Variants in SLC36A2 observed in about 807,000 individuals in gnomAD.
SLC36A2 encodes the protein solute carrier family 36 member 2, also known as proton-coupled amino acid transporter 2.
SLC36A2 carries 39 observed loss-of-function variants against 42.7 expected under a neutral mutation model. The observed-to-expected ratio is 0.91, with a 90% CI of 0.71 to 1.19. SLC36A2 has a LOEUF of 1.19. Among genes scored for constraint, SLC36A2 ranks in the 50% most tolerant of loss-of-function variants. The probability of loss-of-function intolerance (pLI) is 0.00; values close to 1 mark genes in which losing one functional copy is unlikely to be tolerated. For missense variants in SLC36A2, 590 were observed against 613.7 expected, an observed-to-expected ratio of 0.96 and a Z score of 0.41; for synonymous variants, 237 against 240.8, an observed-to-expected ratio of 0.98 and a Z score of 0.15.
intron 6 of SLC36A2, among the ~76,000 whole-genome samples, chr5:151,334,979 T>C (rs376772397): frequency 6.6e-6 from 1 of 152,164 alleles, no homozygotes; most frequent in South Asian, 2.1e-4. Context: ...CAATAACTTT[T>C]AGCTGTAGTA....
intron 6 of SLC36A2, among the ~76,000 whole-genome samples, chr5:151,334,281 G>A (rs554615270): frequency 2.6e-5 from 4 of 152,222 alleles, no homozygotes; most frequent in East Asian, 3.9e-4. Flanking sequence ...TAAATTTCAC[G>A]GACAATGTAA....
In SLC36A2 at chr5:151,315,725, CATT is replaced by C. The variant is rs936171820; in HGVS notation, c.*1089_*1091del. 1 of 152,170 alleles carries C rather than the reference CATT, an allele frequency of 6.6e-6. No individual in the cohort carries two copies. The highest frequency in any genetic ancestry group is 1.5e-5 in the Non-Finnish European group (1 of 68,020). The allele number at this position is 152,170 out of a possible 1,614,324, so 9.4% of individuals were successfully genotyped here. A position where few individuals can be genotyped will look rare whatever the true frequency, so the allele number is the denominator to read the frequency against. On this transcript the variant is annotated 3_prime_UTR_variant, in exon 10 of 10. Transcript: ENST00000335244. ...TTTCATAGGAGCAGGTGCAAAGTCA[CATT>C]ATCACGAGGAATTTATGGTCATTTT...
Position 151,342,876 on chromosome 5 carries a change from A to C in SLC36A2, c.440+12T>G, listed in dbSNP as rs746878571. 1 of 1,613,262 alleles carries C rather than the reference A, an allele frequency of 6.2e-7. No individual in the cohort carries two copies. The highest frequency in any genetic ancestry group is 8.5e-7 in the Non-Finnish European group (1 of 1,179,212). On this transcript the variant is annotated intron_variant, in intron 4 of 9. Coordinates refer to ENST00000335244, the MANE Select transcript of SLC36A2 (RefSeq NM_181776.3). ...GTCCTACCCCACTGCAGGCAAAGCA[A>C]GAACAGGTTACCTTCCCCAGTGAGC...
intron 8 of SLC36A2, chr5:151,325,005 C>T (rs1755811354): frequency 1.5e-5 from 7 of 454,478 alleles, no homozygotes; most frequent in South Asian, 1.1e-4. Flanking sequence ...CCCTTCCCTT[C>T]TCTCCTTAGT....
intron 5 of SLC36A2, chr5:151,338,717 C>T (rs10053412): frequency 0.15 from 34,623 of 227,740 alleles, 8,078 homozygotes; most frequent in African/African-American, 0.6. Flanking sequence ...CTAAAGAAGA[C>T]TAGGAATCAT....
chr5:151,344,300 T>G (rs990040734), intron 1 of SLC36A2, 33 bp from the exon 2 acceptor site: 2 of 1,562,436 alleles, frequency 1.3e-6, no homozygotes, highest in African/African-American at 2.7e-5. Flanking sequence ...GAAGTATGGG[T>G]GTGTGGAGGT....
At chr5:151,340,068 A>G (rs1241522446) in intron 4 of SLC36A2, among the ~76,000 whole-genome samples, 1 of 151,866 alleles carries the variant, frequency 6.6e-6, no homozygotes, top group Non-Finnish European at 1.5e-5. Flanking sequence ...GAGAGAGAGA[A>G]AAAGAAGAAA....
At position 151,344,182 on chromosome 5, in the gene SLC36A2, T is replaced by A; in HGVS notation, c.250A>T (p.Ile84Phe). 2 of 1,613,996 alleles carry A rather than the reference T, an allele frequency of 1.2e-6. No homozygotes were observed. Among genetic ancestry groups the A allele is most frequent in the South Asian group, 2.2e-5 (2 of 91,002 alleles). Residue 84 changes from isoleucine (I) to phenylalanine (F), a missense_variant, in exon 2 of 10, where the codon ATC becomes TTC. Transcript: ENST00000335244. ...GLPLAVKNAG[I>F]LMGPLSLLVM... is the part of the protein sequence containing the mutation. ...ACATGTGGCGCCTCTCTTACCAGGATGCCCGCGTTCTTCACAGCGAGGGGT... is the reference window on the plus strand; with the variant it reads ...ACATGTGGCGCCTCTCTTACCAGGAAGCCCGCGTTCTTCACAGCGAGGGGT...
chr5:151,329,729 A>G (rs1410313061), intron 7 of SLC36A2, among the ~76,000 whole-genome samples: 1 of 152,244 alleles, frequency 6.6e-6, no homozygotes, highest in Non-Finnish European at 1.5e-5. Context: ...GAGGATAAAC[A>G]GGAATGACAA....
At chr5:151,339,353 T>C (rs1756253265) in intron 4 of SLC36A2, among the ~76,000 whole-genome samples, 1 of 151,986 alleles carries the variant, frequency 6.6e-6, no homozygotes. Context: ...TTGCTCTTGT[T>C]GCCCAGGCTG....
At position 151,344,166 on chromosome 5, in the gene SLC36A2, G is replaced by A. The variant is rs773526511; in HGVS notation, c.255+11C>T. The A allele has an allele frequency of 2.9e-5, 46 of 1,612,758 alleles. No homozygotes were observed. Among genetic ancestry groups the A allele is most frequent in the South Asian group, 2.2e-4 (20 of 90,858 alleles). The stretch of plus-strand genomic sequence containing the variant: ...TGACCATAAAGCCCCCACATGTGGC[G>A]CCTCTCTTACCAGGATGCCCGCGTT... On this transcript the variant is annotated intron_variant, in intron 2 of 9. Transcript: ENST00000335244.
At chr5:151,345,839 T>C (rs950184280) in intron 1 of SLC36A2, among the ~76,000 whole-genome samples, 2 of 152,232 alleles carry the variant, frequency 1.3e-5, no homozygotes, top group African/African-American at 4.8e-5. Context: ...TTGGTCACCT[T>C]GGACTGTCAT....
chr5:151,344,457 GT>G (rs1039304756), intron 1 of SLC36A2, among the ~76,000 whole-genome samples, 190 bp from the exon 2 acceptor site: 9 of 152,268 alleles, frequency 5.9e-5, no homozygotes, highest in Admixed American at 2.0e-4. Context: ...AACTGTCCTG[GT>G]TTTAGCAGCT....
At chr5:151,331,979 G>A (rs1284624282) in intron 7 of SLC36A2, among the ~76,000 whole-genome samples, 1 of 152,058 alleles carries the variant, frequency 6.6e-6, no homozygotes, top group Non-Finnish European at 1.5e-5. Context: ...TGATTCTCCT[G>A]CCTCAGCCTT....
In SLC36A2 at chr5:151,334,879, ACT is replaced by A. The variant is rs554812090; in HGVS notation, c.744+448_744+449del. Among the ~76,000 whole-genome samples, 18 of 151,748 alleles carry A rather than the reference ACT, an allele frequency of 1.2e-4. 1 individual carries two copies. The highest frequency in any genetic ancestry group is 3.6e-4 in the African/African-American group (15 of 41,308). The stretch of plus-strand genomic sequence containing the variant: ...TTATTGAAAGCTTATGGTTTTTGAG[ACT>A]CTCTATGTATATCTCTGTGACTAAA... On this transcript the variant is annotated intron_variant, in intron 6 of 9. Transcript: ENST00000335244.
In SLC36A2 at chr5:151,344,276, G is replaced by A; in HGVS notation, c.165-9C>T. ...TCAAGGCCTGGAACACTCTAAAGGA[G>A]AGGAAGGAGATGTGAAGTATGGGTG... On this transcript the variant is annotated splice_polypyrimidine_tract_variant and intron_variant, in intron 1 of 9. Transcript: ENST00000335244. 1.9e-6 allele frequency: 3 copies of A among 1,609,448 alleles called. No individual in the cohort carries two copies. The highest frequency in any genetic ancestry group is 1.7e-4 in the Middle Eastern group (1 of 6,052).
intron 1 of SLC36A2, among the ~76,000 whole-genome samples, chr5:151,346,813 A>G (rs1561664665): frequency 1.3e-5 from 2 of 152,186 alleles, no homozygotes; most frequent in South Asian, 2.1e-4. Context: ...AGAGTCATCT[A>G]TGCTTCTCAG....
intron 7 of SLC36A2, 84 bp from the exon 8 acceptor site, chr5:151,325,536 C>T: frequency 7.2e-7 from 1 of 1,391,270 alleles, no homozygotes. Flanking sequence ...ATGTCTACCC[C>T]AAAGAACTGA....
Position 151,325,385 on chromosome 5 carries a change from G to A in SLC36A2, c.911C>T (p.Ser304Phe), listed in dbSNP as rs142783014. The A allele has an allele frequency of 5.9e-3, 9,571 of 1,614,188 alleles. 60 individuals carry two copies. The highest frequency in any genetic ancestry group is 6.8e-3 in the Non-Finnish European group (8,035 of 1,180,040). ...GCCAATGTATAGGGAAGTGACGATG[G>A]ACATTCCCAAAGACAGGATGGCTGG... ...HFPAILSLGM[S>F]IVTSLYIGMA... is the part of the protein sequence containing the mutation. The change falls in exon 8 of 10, where the codon TCC (serine) becomes TTC (phenylalanine). Residue 304 changes from serine to phenylalanine, a missense_variant. By Grantham distance (155) the Ser-to-Phe change is radical (BLOSUM62 -2). Coordinates refer to ENST00000335244, the MANE Select transcript of SLC36A2 (RefSeq NM_181776.3).
Sources: allele counts gnomAD v4.1 joint callset (sites outside exome capture counted in the v4.1 genomes callset), GRCh38; gene constraint gnomAD v4.1.1; transcripts MANE v1.5; gene names NCBI Gene and HGNC (gene_info 2026-07-23, HGNC 2026-07-21).